Variants in AGTPBP1 observed in about 807,000 individuals in gnomAD.
AGTPBP1 encodes ATP/GTP binding carboxypeptidase 1.
A neutral mutation model predicts 143.9 loss-of-function variants in AGTPBP1; 70 were observed. The ratio of observed to expected loss-of-function variants is 0.49; its 90% CI spans 0.40 to 0.59. The LOEUF is 0.59. AGTPBP1 is among the 20% of genes least tolerant of loss of function. The probability of loss-of-function intolerance (pLI) is 0.00; values close to 1 mark genes in which losing one functional copy is unlikely to be tolerated. For synonymous variants in AGTPBP1, 463 were observed against 500.2 expected, an observed-to-expected ratio of 0.93 and a Z score of 0.99; for missense variants, 1,229 against 1,464.5, an observed-to-expected ratio of 0.84 and a Z score of 2.62.
At position 85,699,130 on chromosome 9, in the gene AGTPBP1, A is replaced by AT. The variant is rs113817813; in HGVS notation, c.33-6318dup. On this transcript the variant is annotated intron_variant, in intron 2 of 25. Transcript: ENST00000357081. ...CAAATCAAGTTAACTTCAAATGCAT[A>AT]TTTTTTTAAATAATTTCATTTATTT... Among the ~76,000 whole-genome samples, 1,492 of 152,168 alleles carry AT rather than the reference A, an allele frequency of 9.8e-3. 22 individuals are homozygous for AT. The highest frequency in any genetic ancestry group is 0.034 in the African/African-American group (1,397 of 41,494).
intron 11 of AGTPBP1, among the ~76,000 whole-genome samples, chr9:85,650,484 TTACTTTG>T (rs1327850779): frequency 6.6e-6 from 1 of 152,216 alleles, no homozygotes; most frequent in Non-Finnish European, 1.5e-5. Context: ...TTTGTCTAGC[TTACTTTG>T]TTGTACAGAA....
intron 13 of AGTPBP1, among the ~76,000 whole-genome samples, chr9:85,639,373 A>G (rs201767355): frequency 0.054 from 8,111 of 149,822 alleles, 587 homozygotes; most frequent in East Asian, 0.4. Context: ...ACGCGCACAC[A>G]CACACACACA....
At chr9:85,695,719 CT>C (rs1836184197) in intron 2 of AGTPBP1, among the ~76,000 whole-genome samples, 1 of 152,140 alleles carries the variant, frequency 6.6e-6, no homozygotes, top group African/African-American at 2.4e-5. Flanking sequence ...ATGCAACTGT[CT>C]GAATGACAAG....
At chr9:85,577,438 C>T (rs987529212) in intron 24 of AGTPBP1, among the ~76,000 whole-genome samples, 1 of 152,182 alleles carries the variant, frequency 6.6e-6, no homozygotes, top group Admixed American at 6.5e-5. Flanking sequence ...GAATGAGACC[C>T]TTAACAACAG....
At chr9:85,551,685 C>G (rs763976371) in intron 25 of AGTPBP1, among the ~76,000 whole-genome samples, 4 of 152,218 alleles carry the variant, frequency 2.6e-5, no homozygotes, top group Non-Finnish European at 4.4e-5. Flanking sequence ...AGACCAATCA[C>G]AGCAATTCAT....
At chr9:85,613,517 G>C (rs1317785725) in intron 17 of AGTPBP1, among the ~76,000 whole-genome samples, 1 of 151,740 alleles carries the variant, frequency 6.6e-6, no homozygotes, top group Non-Finnish European at 1.5e-5. Context: ...AAATGTCACT[G>C]ACATAAAAAT....
intron 13 of AGTPBP1, among the ~76,000 whole-genome samples, chr9:85,641,669 A>G (rs1832478463): frequency 6.6e-6 from 1 of 152,030 alleles, no homozygotes; most frequent in Non-Finnish European, 1.5e-5. Context: ...GAATGATTAG[A>G]ACTATGAAAT....
chr9:85,677,666 T>A (rs1362017867), intron 5 of AGTPBP1, 84 bp from the exon 6 acceptor site: 2 of 1,173,096 alleles, frequency 1.7e-6, no homozygotes, highest in Non-Finnish European at 2.3e-6. Context: ...GTATCATAAC[T>A]TGTTAGCATT....
chr9:85,588,420 A>T lies in AGTPBP1; in HGVS notation c.2781T>A (p.Ser927Arg). The change falls in exon 21 of 26, where the codon AGT becomes AGA. Residue 927 changes from serine (S) to arginine (R), a missense_variant. Coordinates refer to ENST00000357081, the MANE Select transcript of AGTPBP1 (RefSeq NM_001330701.2). ...ATTCCAACGTTCCTTTCATAACCCA[A>T]CTTGCATTAGTTTCTCCAGGATGTA... is the stretch of plus-strand genomic sequence containing the variant. The part of the protein sequence containing the change: ...ARVHPGETNA[S>R]WVMKGTLEYL... The T allele has an allele frequency of 6.2e-7, 1 of 1,613,412 alleles. No homozygotes were observed. Among genetic ancestry groups the T allele is most frequent in the Non-Finnish European group, 8.5e-7 (1 of 1,179,588 alleles).
At chr9:85,802,733 C>T in the AGTPBP1 span, among the ~76,000 whole-genome samples, 2 of 152,204 alleles carry the variant, frequency 1.3e-5, no homozygotes, top group South Asian at 2.1e-4. Context: ...GGGTAGCTCT[C>T]CTTCATCCAG....
At chr9:85,716,865 GTCCT>G (rs1028471499) in intron 1 of AGTPBP1, among the ~76,000 whole-genome samples, 1 of 152,176 alleles carries the variant, frequency 6.6e-6, no homozygotes, top group Non-Finnish European at 1.5e-5. Context: ...AATACCCCCA[GTCCT>G]TACCTCCCTG....
At chr9:85,649,414 T>C (rs1395328214) in intron 11 of AGTPBP1, among the ~76,000 whole-genome samples, 1 of 152,188 alleles carries the variant, frequency 6.6e-6, no homozygotes, top group Non-Finnish European at 1.5e-5. Context: ...GCTATTTAAT[T>C]TTATTCATTT....
chr9:85,742,226 C>T (rs1005999222), upstream of AGTPBP1, among the ~76,000 whole-genome samples: 2 of 152,232 alleles, frequency 1.3e-5, no homozygotes, highest in African/African-American at 2.4e-5. Context: ...CTGCCGGTCC[C>T]TTGTACCCAG....
chr9:85,620,437 A>G (rs1830857678), intron 15 of AGTPBP1, among the ~76,000 whole-genome samples: 1 of 151,918 alleles, frequency 6.6e-6, no homozygotes. Context: ...AAAAAAAAAA[A>G]AAGGTGTTTT....
At chr9:85,601,431 A>G (rs376333806) in intron 17 of AGTPBP1, among the ~76,000 whole-genome samples, 1 of 152,118 alleles carries the variant, frequency 6.6e-6, no homozygotes, top group Admixed American at 6.5e-5. Flanking sequence ...TCACTCAGCC[A>G]TGTCAACCAG....
intron 1 of AGTPBP1, among the ~76,000 whole-genome samples, chr9:85,718,636 TAC>T (rs957325553): frequency 5.9e-5 from 9 of 152,092 alleles, no homozygotes; most frequent in African/African-American, 2.2e-4. Context: ...TCACTCTGAT[TAC>T]AGTTTCTTTT....
intron 17 of AGTPBP1, among the ~76,000 whole-genome samples, chr9:85,611,523 A>C (rs974773665): frequency 2.0e-5 from 3 of 148,388 alleles, no homozygotes; most frequent in African/African-American, 7.6e-5. Context: ...GCCAAGTAAC[A>C]TTGTATTAAA....
chr9:85,594,794 C>T (rs1233801275), intron 18 of AGTPBP1, among the ~76,000 whole-genome samples: 1 of 152,134 alleles, frequency 6.6e-6, no homozygotes, highest in African/African-American at 2.4e-5. Flanking sequence ...CAGAATAGAA[C>T]AACTTGTCCT....
intron 7 of AGTPBP1, among the ~76,000 whole-genome samples, chr9:85,672,139 C>G (rs1419565965): frequency 6.6e-6 from 1 of 151,878 alleles, no homozygotes; most frequent in African/African-American, 2.4e-5. Flanking sequence ...GGCACAATCT[C>G]AGCTCATTGC....
Sources: allele counts gnomAD v4.1 joint callset (sites outside exome capture counted in the v4.1 genomes callset), GRCh38; gene constraint gnomAD v4.1.1; transcripts MANE v1.5; gene names NCBI Gene and HGNC (gene_info 2026-07-23, HGNC 2026-07-21).